The following SKIC2 variants were observed in gnomAD, a reference collection of about 807,000 sequenced individuals.
The protein encoded by SKIC2 is SKI2 subunit of superkiller complex, also known as superkiller complex protein 2.
chr6:31,961,342 G>GC, the SKIC2 span: 1 of 1,583,976 alleles, frequency 6.3e-7, no homozygotes, highest in Non-Finnish European at 8.5e-7. Context: ...TCCCTGCAGT[G>GC]CTCCCCTGGC....
the SKIC2 span, chr6:31,968,557 A>C: frequency 6.2e-7 from 1 of 1,603,042 alleles, no homozygotes; most frequent in Non-Finnish European, 8.5e-7. The surrounding 1 kb of genome is among the most constrained non-coding windows in gnomAD (Gnocchi z 6.1). Flanking sequence ...CTGGGTGGTA[A>C]CTCCCAAGCT....
the SKIC2 span, chr6:31,967,375 C>T: frequency 6.8e-6 from 11 of 1,607,416 alleles, no homozygotes; most frequent in Non-Finnish European, 9.4e-6. The surrounding 1 kb of genome is among the most constrained non-coding windows in gnomAD (Gnocchi z 4.9). Flanking sequence ...AGTGATCCTA[C>T]AGGTGAGGGT....
the SKIC2 span, chr6:31,969,136 G>A: frequency 6.3e-7 from 1 of 1,580,724 alleles, no homozygotes; most frequent in Non-Finnish European, 8.7e-7. The surrounding 1 kb of genome is among the most constrained non-coding windows in gnomAD (Gnocchi z 6.1). Flanking sequence ...TGGCATTCCT[G>A]ACCTTCACCT....
chr6:31,966,652 G>A, the SKIC2 span: 6 of 1,601,154 alleles, frequency 3.7e-6, no homozygotes, highest in Non-Finnish European at 5.1e-6. The surrounding 1 kb of genome is among the most constrained non-coding windows in gnomAD (Gnocchi z 5.9). Context: ...CCAGAAGACT[G>A]GCTGGGGTTC....
At chr6:31,963,733 G>GAGAGA in the SKIC2 span, 3 of 1,544,222 alleles carry the variant, frequency 1.9e-6, no homozygotes, top group Non-Finnish European at 2.6e-6. This position sits in a 1 kb window ranked among gnomAD's most constrained non-coding sequence, Gnocchi z 5.3. Flanking sequence ...GCCCTGCACA[G>GAGAGA]GTGAGAACTG....
the SKIC2 span, chr6:31,968,998 T>C: frequency 6.2e-7 from 1 of 1,612,902 alleles, no homozygotes; most frequent in Non-Finnish European, 8.5e-7. The surrounding 1 kb of genome is among the most constrained non-coding windows in gnomAD (Gnocchi z 6.1). Flanking sequence ...CTGAGCACCC[T>C]GCGGCCTGAG....
chr6:31,963,682 C>T, the SKIC2 span: 9 of 1,556,894 alleles, frequency 5.8e-6, no homozygotes, highest in East Asian at 4.5e-5. The surrounding 1 kb of genome is among the most constrained non-coding windows in gnomAD (Gnocchi z 5.3). Flanking sequence ...TGAGCAAACA[C>T]GCCCAGACCT....
chr6:31,968,458 G>C, the SKIC2 span: 1 of 1,613,062 alleles, frequency 6.2e-7, no homozygotes. The surrounding 1 kb of genome is among the most constrained non-coding windows in gnomAD (Gnocchi z 6.1). Flanking sequence ...GTCAGTTGTA[G>C]AGGGTGGGCT....
At chr6:31,963,034 C>T in the SKIC2 span, 1 of 1,612,924 alleles carries the variant, frequency 6.2e-7, no homozygotes, top group Non-Finnish European at 8.5e-7. The surrounding 1 kb of genome is among the most constrained non-coding windows in gnomAD (Gnocchi z 5.3). Flanking sequence ...GACCACGTTT[C>T]TATCATCCTT....
the SKIC2 span, chr6:31,967,593 CT>C: frequency 8.6e-7 from 1 of 1,158,522 alleles, no homozygotes; most frequent in South Asian, 1.4e-5. The surrounding 1 kb of genome is among the most constrained non-coding windows in gnomAD (Gnocchi z 4.9). Flanking sequence ...TTGGTTGCCC[CT>C]CTCTACTGGT....
At chr6:31,969,312 G>A in the SKIC2 span, 3 of 1,614,218 alleles carry the variant, frequency 1.9e-6, no homozygotes, top group South Asian at 3.3e-5. The surrounding 1 kb of genome is among the most constrained non-coding windows in gnomAD (Gnocchi z 6.1). Flanking sequence ...TGGCCAAGCG[G>A]ATTGGTGAGG....
chr6:31,963,139 C>T, the SKIC2 span: 19 of 1,311,104 alleles, frequency 1.4e-5, no homozygotes, highest in Non-Finnish European at 2.1e-5. The surrounding 1 kb of genome is among the most constrained non-coding windows in gnomAD (Gnocchi z 5.3). Context: ...CTACAGTACT[C>T]CTTGATTCGG....
At chr6:31,960,471 T>C in the SKIC2 span, 2 of 1,614,152 alleles carry the variant, frequency 1.2e-6, no homozygotes, top group Non-Finnish European at 8.5e-7. Flanking sequence ...TACAACCTCC[T>C]TGTCTCTTCG....
the SKIC2 span, chr6:31,962,546 C>T: frequency 2.8e-5 from 45 of 1,613,868 alleles, no homozygotes; most frequent in Non-Finnish European, 3.5e-5. The surrounding 1 kb of genome is among the most constrained non-coding windows in gnomAD (Gnocchi z 5.0). Context: ...CAGCTGCATC[C>T]GGAGGCCTCC....
chr6:31,960,473 G>A, the SKIC2 span: 3 of 1,614,168 alleles, frequency 1.9e-6, no homozygotes, highest in Non-Finnish European at 2.5e-6. Context: ...CAACCTCCTT[G>A]TCTCTTCGCC....
chr6:31,964,051 G>A, the SKIC2 span: 8 of 1,612,582 alleles, frequency 5.0e-6, no homozygotes, highest in Non-Finnish European at 6.8e-6. This position sits in a 1 kb window ranked among gnomAD's most constrained non-coding sequence, Gnocchi z 5.0. Flanking sequence ...CACCAGTTCG[G>A]AGAAGAGCGA....
chr6:31,964,374 G>T, the SKIC2 span: 2 of 1,558,306 alleles, frequency 1.3e-6, no homozygotes, highest in Non-Finnish European at 1.8e-6. The surrounding 1 kb of genome is among the most constrained non-coding windows in gnomAD (Gnocchi z 5.0). Context: ...GACTCCTCAG[G>T]GTGCTTGTTG....
the SKIC2 span, chr6:31,959,201 G>A: frequency 6.2e-7 from 1 of 1,609,610 alleles, no homozygotes; most frequent in Non-Finnish European, 8.5e-7. Flanking sequence ...GGATGATGGA[G>A]ACAGAGCGAC....
At chr6:31,962,753 G>C in the SKIC2 span, 1 of 1,612,882 alleles carries the variant, frequency 6.2e-7, no homozygotes, top group Non-Finnish European at 8.5e-7. This position sits in a 1 kb window ranked among gnomAD's most constrained non-coding sequence, Gnocchi z 5.0. Flanking sequence ...TTCGGGACCT[G>C]GAGTGGGTCA....
Sources: gnomAD v4.1 joint callset for allele counts on GRCh38, gnomAD v4.1.1 for gene constraint, Gnocchi (gnomAD v3.1) non-coding constraint, MANE v1.5 for transcripts, NCBI Gene and HGNC (gene_info 2026-07-23, HGNC 2026-07-21) for gene names.